Variants in LYST observed in about 807,000 individuals in gnomAD.
LYST encodes lysosomal trafficking regulator.
Under a neutral mutation model 413.6 loss-of-function variants are expected in LYST, and 192 were observed. That is an observed-to-expected ratio of 0.46 (90% CI 0.41 to 0.52). LYST has a LOEUF of 0.52. Among genes scored for constraint, LYST ranks in the 20% least tolerant of loss-of-function variants. The pLI, the probability that LYST is intolerant of heterozygous loss-of-function variation, is 0.00. For synonymous variants in LYST, 1,525 were observed against 1,567.3 expected (o/e 0.97, Z 0.64); for missense variants, 3,815 against 4,499.9 (o/e 0.85, Z 4.35).
At chr1:235,764,869 C>T (rs982191949) in intron 21 of LYST, among the ~76,000 whole-genome samples, 3 of 152,098 alleles carry the variant, frequency 2.0e-5, no homozygotes, top group African/African-American at 7.2e-5. Context: ...TATGACTCAG[C>T]TTTCTTGTAG....
At chr1:235,788,223 G>T (rs1469583663) in intron 13 of LYST, among the ~76,000 whole-genome samples, 1 of 152,150 alleles carries the variant, frequency 6.6e-6, no homozygotes, top group African/African-American at 2.4e-5. Context: ...GCAGTGGCGC[G>T]ATCTGGGATC....
intron 1 of LYST, among the ~76,000 whole-genome samples, chr1:235,873,727 C>G (rs1558372200): frequency 6.6e-6 from 1 of 152,182 alleles, no homozygotes; most frequent in Non-Finnish European, 1.5e-5. Context: ...TTCCTGCGGT[C>G]TACAAATTTC....
chr1:235,684,104 A>G (rs1660031789), intron 48 of LYST, among the ~76,000 whole-genome samples: 1 of 152,244 alleles, frequency 6.6e-6, no homozygotes, highest in African/African-American at 2.4e-5. Flanking sequence ...AAGCCTTCAC[A>G]AGTGTGTCAT....
rs1254110310 is a variant in LYST, at chr1:235,854,582, C to T, written c.-98+12261G>A. ...CTCTATGACCTTGGGTACTCGACTT[C>T]CTCTTTCTAAGCCTCAGTTTCTCAT... On this transcript the variant is annotated intron_variant, in intron 1 of 52. Transcript: ENST00000389793. The surrounding 1 kb of genome is among the most constrained non-coding windows in gnomAD (Gnocchi z 4.1). 2.6e-5 allele frequency among the ~76,000 whole-genome samples: 4 copies of T among 152,168 alleles called. No individual in the cohort carries two copies. Among genetic ancestry groups the T allele is most frequent in the African/African-American group, 9.7e-5 (4 of 41,422 alleles).
intron 27 of LYST, 94 bp from the exon 28 acceptor site, chr1:235,751,456 T>G: frequency 8.8e-7 from 1 of 1,137,576 alleles, no homozygotes; most frequent in East Asian, 2.4e-5. Flanking sequence ...AATGTTTTGA[T>G]ATAAATTTTT....
chr1:235,746,261 C>T (rs1665917212), intron 29 of LYST, 75 bp downstream of exon 29: 2 of 1,351,004 alleles, frequency 1.5e-6, no homozygotes, highest in African/African-American at 2.9e-5. Flanking sequence ...ATCTGAAAAC[C>T]AACCAGTTTC....
At chr1:235,727,938 T>C in intron 38 of LYST, 138 bp downstream of exon 38, 1 of 663,050 alleles carries the variant, frequency 1.5e-6, no homozygotes. Context: ...AAAAAATGTT[T>C]GGAACTCAGA....
chr1:235,804,408 T>C (rs1231746085), intron 7 of LYST, 96 bp downstream of exon 7: 15 of 938,456 alleles, frequency 1.6e-5, no homozygotes, highest in Non-Finnish European at 2.3e-5. Context: ...CTAGTCCATA[T>C]GCTCTAATGA....
chr1:235,825,020 CAAAAAAA>C (rs573344084), intron 3 of LYST, among the ~76,000 whole-genome samples: 3 of 149,618 alleles, frequency 2.0e-5, no homozygotes, highest in Non-Finnish European at 4.4e-5. Flanking sequence ...GACTCTGTCT[CAAAAAAA>C]AGAAAACAAC....
chr1:235,786,989 T>C, intron 14 of LYST: 1 of 403,816 alleles, frequency 2.5e-6, no homozygotes, highest in Non-Finnish European at 4.6e-6. Flanking sequence ...ATGGCACATG[T>C]ATACATATGT....
chr1:235,750,774 TG>T (rs1666413857), intron 28 of LYST, among the ~76,000 whole-genome samples: 1 of 152,232 alleles, frequency 6.6e-6, no homozygotes, highest in South Asian at 2.1e-4. Context: ...TCTTTTGTCC[TG>T]AGTAGAAACA....
rs907208254 is a variant in LYST at position 235,692,387 on chromosome 1, C to CT, written c.10701+962dup. Among the ~76,000 whole-genome samples the CT allele has an allele frequency of 2.6e-4, 38 of 147,504 alleles. No individual in the cohort carries two copies. The East Asian group carries it at 4.3e-3, about 17-fold the overall frequency. The stretch of plus-strand genomic sequence containing the variant: ...CAACCTAGCTGCTATCAGTCTGACT[C>CT]TTTTTTTTTTAAGATGGAGTCTCGC... On this transcript the variant is annotated intron_variant, in intron 47 of 52. Coordinates refer to ENST00000389793, the MANE Select transcript of LYST (RefSeq NM_000081.4).
chr1:235,730,279 TACTC>T (rs1315578017), intron 36 of LYST, among the ~76,000 whole-genome samples: 1 of 152,030 alleles, frequency 6.6e-6, no homozygotes. Flanking sequence ...ACATACTTAA[TACTC>T]AACAACGCTA....
intron 31 of LYST, chr1:235,738,482 T>G: frequency 6.2e-7 from 1 of 1,612,298 alleles, no homozygotes; most frequent in Non-Finnish European, 8.5e-7. Flanking sequence ...TTATTGGAAG[T>G]GGTTGCAATC....
At chr1:235,693,139 T>A (rs569999844) in intron 47 of LYST, among the ~76,000 whole-genome samples, 1 of 151,564 alleles carries the variant, frequency 6.6e-6, no homozygotes, top group Non-Finnish European at 1.5e-5. Context: ...CACGATGAAA[T>A]CCCGTCTCTA....
Position 235,733,645 on chromosome 1 carries a change from C to G in LYST, c.8659G>C (p.Ala2887Pro). ...DSKSKDISKI[A>P]ADITQAVSLS... Reference sequence around the variant, plus strand: ...GACACTGCCTGGGTGATATCTGCAGCTATTTTAGATATATCCTTTGATTTT... The same window carrying G: ...GACACTGCCTGGGTGATATCTGCAGGTATTTTAGATATATCCTTTGATTTT... The change falls in exon 34 of 53, where the codon GCT (alanine) becomes CCT (proline). Residue 2887 changes from alanine to proline, a missense_variant. By Grantham distance (27) the Ala-to-Pro change is conservative. This residue lies in a region of LYST where 866 missense variants were observed against 1,156.0 expected (regional missense o/e 0.75). Coordinates refer to ENST00000389793, the MANE Select transcript of LYST (RefSeq NM_000081.4). 6.2e-7 allele frequency: 1 copy of G among 1,613,604 alleles called. No homozygotes were observed. The highest frequency in any genetic ancestry group is 8.5e-7 in the Non-Finnish European group (1 of 1,179,700).
intron 12 of LYST, 150 bp from the exon 13 acceptor site, chr1:235,788,995 ATTTT>A: frequency 1.4e-6 from 1 of 734,738 alleles, no homozygotes; most frequent in Non-Finnish European, 2.4e-6. Context: ...AAACAACCAT[ATTTT>A]CAGAGTATAG....
chr1:235,733,929 T>C, intron 32 of LYST, 23 bp from the exon 33 acceptor site: 1 of 1,195,672 alleles, frequency 8.4e-7, no homozygotes, highest in Non-Finnish European at 1.2e-6. Context: ...GATAATAATA[T>C]ACTATATAAA....
intron 21 of LYST, among the ~76,000 whole-genome samples, chr1:235,765,090 A>G (rs906469068): frequency 2.0e-5 from 3 of 152,120 alleles, no homozygotes; most frequent in African/African-American, 4.8e-5. Flanking sequence ...CCTCACTTCT[A>G]TGTGGACAGC....
Sources: allele counts gnomAD v4.1 joint callset (sites outside exome capture counted in the v4.1 genomes callset), GRCh38; gene constraint gnomAD v4.1.1; regional missense constraint gnomAD v4.1.1; non-coding constraint Gnocchi (gnomAD v3.1); transcripts MANE v1.5; gene names NCBI Gene and HGNC (gene_info 2026-07-23, HGNC 2026-07-21).